The following STXBP5L variants were observed in gnomAD, a reference collection of about 807,000 sequenced individuals.
STXBP5L encodes the protein syntaxin binding protein 5L.
In STXBP5L, 65 loss-of-function variants were observed where a neutral mutation model predicts 144.5. The observed-to-expected ratio is 0.45, with a 90% CI of 0.37 to 0.55. STXBP5L has a LOEUF of 0.55. Ranked by LOEUF, STXBP5L falls within the 20% of genes least tolerant of loss-of-function variation. The pLI is 0.00. For synonymous variants in STXBP5L, 505 were observed against 469.6 expected (o/e 1.08, Z -0.97); for missense variants, 1,298 against 1,405.5 (o/e 0.92, Z 1.22).
chr3:121,085,320 G>A (rs916315793), intron 5 of STXBP5L, among the ~76,000 whole-genome samples: 1 of 152,066 alleles, frequency 6.6e-6, no homozygotes, highest in African/African-American at 2.4e-5. Context: ...GTATTGCCTG[G>A]ATTTTCTCTA....
chr3:121,311,164 A>G (rs1048112154), intron 19 of STXBP5L, among the ~76,000 whole-genome samples: 2 of 152,218 alleles, frequency 1.3e-5, no homozygotes, highest in African/African-American at 4.8e-5. Flanking sequence ...ATTTAAAATC[A>G]TAATAAGATA....
intron 20 of STXBP5L, among the ~76,000 whole-genome samples, chr3:121,377,030 G>T (rs544617679): frequency 2.0e-5 from 3 of 152,132 alleles, no homozygotes; most frequent in Non-Finnish European, 1.5e-5. Flanking sequence ...CTGTCTGTTT[G>T]TCTATTATTG....
chr3:121,159,791 G>A (rs9863707), intron 9 of STXBP5L, among the ~76,000 whole-genome samples: 56,364 of 148,408 alleles, frequency 0.38, 10,637 homozygotes, highest in African/African-American at 0.4. Context: ...TACCATGCCC[G>A]GCTAATTTTT....
At chr3:121,242,328 T>G (rs936249991) in intron 14 of STXBP5L, among the ~76,000 whole-genome samples, 1 of 152,130 alleles carries the variant, frequency 6.6e-6, no homozygotes, top group African/African-American at 2.4e-5. Context: ...ATAATCACAT[T>G]GTCTGGTGTG....
chr3:121,179,877 G>A (rs1217289433), intron 9 of STXBP5L, among the ~76,000 whole-genome samples: 1 of 151,936 alleles, frequency 6.6e-6, no homozygotes, highest in Admixed American at 6.6e-5. Context: ...AACCCAATCA[G>A]ACAAAAACAA....
intron 3 of STXBP5L, among the ~76,000 whole-genome samples, chr3:120,976,257 C>T (rs917875359): frequency 2.6e-5 from 4 of 152,134 alleles, no homozygotes; most frequent in African/African-American, 9.7e-5. Context: ...TCAACTTCTT[C>T]CTGGTTTAGT....
intron 9 of STXBP5L, among the ~76,000 whole-genome samples, chr3:121,174,588 C>A (rs944574217): frequency 1.6e-4 from 25 of 152,084 alleles, no homozygotes; most frequent in African/African-American, 6.0e-4. Flanking sequence ...AGGGCGGACA[C>A]CCTTGGAGGC....
chr3:121,235,700 A>G (rs1270492612), intron 12 of STXBP5L, among the ~76,000 whole-genome samples: 1 of 152,014 alleles, frequency 6.6e-6, no homozygotes, highest in African/African-American at 2.4e-5. Context: ...AGTTTAACCT[A>G]CTTGTCCCTT....
intron 3 of STXBP5L, among the ~76,000 whole-genome samples, chr3:120,984,525 G>A (rs1220464724): frequency 2.7e-5 from 4 of 150,480 alleles, no homozygotes; most frequent in Non-Finnish European, 4.4e-5. Flanking sequence ...TTTTTTTTTT[G>A]GTGGGGGGAA....
intron 3 of STXBP5L, among the ~76,000 whole-genome samples, chr3:120,990,517 A>T (rs1262786585): frequency 1.3e-5 from 2 of 152,150 alleles, no homozygotes; most frequent in African/African-American, 4.8e-5. Flanking sequence ...CTAAGCCAAA[A>T]CAACAAAGCT....
At chr3:120,946,300 C>G (rs2107669174) in intron 2 of STXBP5L, among the ~76,000 whole-genome samples, 1 of 151,824 alleles carries the variant, frequency 6.6e-6, no homozygotes, top group Non-Finnish European at 1.5e-5. Flanking sequence ...CCAACAAGAT[C>G]TTTCTATCTT....
intron 9 of STXBP5L, among the ~76,000 whole-genome samples, chr3:121,182,665 T>C (rs2047207732): frequency 1.3e-5 from 2 of 152,046 alleles, no homozygotes; most frequent in East Asian, 3.9e-4. Flanking sequence ...CAGAACTAAA[T>C]GAAATTGAAA....
At chr3:121,086,458 C>G (rs1176235669) in intron 5 of STXBP5L, among the ~76,000 whole-genome samples, 1 of 148,950 alleles carries the variant, frequency 6.7e-6, no homozygotes, top group Non-Finnish European at 1.5e-5. Flanking sequence ...TTGCCCTTTT[C>G]TATATTTAAA....
At chr3:121,382,381 T>C (rs1222488211) in intron 22 of STXBP5L, among the ~76,000 whole-genome samples, 4 of 152,112 alleles carry the variant, frequency 2.6e-5, no homozygotes, top group African/African-American at 4.8e-5. Flanking sequence ...AATTCAGATT[T>C]GTGTTTTAAA....
At chr3:121,349,604 A>T (rs1358350859) in intron 20 of STXBP5L, among the ~76,000 whole-genome samples, 1 of 151,998 alleles carries the variant, frequency 6.6e-6, no homozygotes, top group Non-Finnish European at 1.5e-5. Context: ...GTCTCTTTGT[A>T]GGTCTCTAAG....
chr3:121,218,834 T>C (rs570921384), intron 10 of STXBP5L, among the ~76,000 whole-genome samples: 1 of 152,274 alleles, frequency 6.6e-6, no homozygotes, highest in African/African-American at 2.4e-5. Context: ...ATTAACTCTC[T>C]TAAAGTTTAG....
chr3:121,298,662 G>C (rs2051759736), intron 19 of STXBP5L, among the ~76,000 whole-genome samples: 2 of 152,064 alleles, frequency 1.3e-5, no homozygotes, highest in Admixed American at 1.3e-4. Context: ...GTCATAGAAG[G>C]ACAAATATTA....
At chr3:121,284,116 A>T (rs1278100787) in intron 19 of STXBP5L, among the ~76,000 whole-genome samples, 4 of 152,022 alleles carry the variant, frequency 2.6e-5, no homozygotes, top group African/African-American at 9.7e-5. Context: ...GCCATGATGT[A>T]AAGTTTTTAA....
intron 10 of STXBP5L, among the ~76,000 whole-genome samples, chr3:121,211,058 C>G (rs1005714468): frequency 2.0e-5 from 3 of 152,166 alleles, no homozygotes; most frequent in African/African-American, 2.4e-5. Flanking sequence ...TCTTCCTACC[C>G]ATGTGCATGG....
Sources: gnomAD v4.1 joint callset for allele counts (sites outside exome capture counted in the v4.1 genomes callset) on GRCh38, gnomAD v4.1.1 for gene constraint, MANE v1.5 for transcripts, NCBI Gene and HGNC (gene_info 2026-07-23, HGNC 2026-07-21) for gene names.